IL6R: variants seen among roughly 807,000 people sequenced by gnomAD.
IL6R encodes the protein interleukin-6 receptor subunit alpha.
IL6R carries 38 observed loss-of-function variants against 48.3 expected under a neutral mutation model. The observed-to-expected ratio is 0.79, with a 90% confidence interval of 0.61 to 1.03. IL6R has a LOEUF of 1.03. Ranked by LOEUF, IL6R falls within the 50% of genes least tolerant of loss-of-function variation. The pLI, the probability that IL6R is intolerant of heterozygous loss-of-function variation, is 0.00. For missense variants in IL6R, 534 were observed against 618.3 expected, an observed-to-expected ratio of 0.86 and a Z score of 1.45; for synonymous variants, 264 against 256.2, an observed-to-expected ratio of 1.03 and a Z score of -0.29.
chr1:154,426,385 G>T (rs1688968931), intron 1 of IL6R, among the ~76,000 whole-genome samples: 3 of 151,986 alleles, frequency 2.0e-5, no homozygotes, highest in Non-Finnish European at 2.9e-5. Context: ...GCCGGGCATG[G>T]TGGTGTGTGC....
At chr1:154,434,480 A>G in intron 3 of IL6R, 39 bp from the exon 4 acceptor site, 1 of 1,583,320 alleles carries the variant, frequency 6.3e-7, no homozygotes. Flanking sequence ...TCTGTGCGAA[A>G]CTGACAGGCA....
At chr1:154,406,344 G>A (rs1448162608) in intron 1 of IL6R, 1 of 152,374 alleles carries the variant, frequency 6.6e-6, no homozygotes, top group Non-Finnish European at 1.5e-5. Context: ...GAGTCGGGAG[G>A]CTGGCAAGGG....
rs1228753392 is a variant in IL6R at position 154,466,628 on chromosome 1, A to G, written c.*1248A>G. ...TTCGGGAGGTCGAGGCAGGAGGATC[A>G]CTTGAGTCCAGAAGTTTGAGATCAG... On this transcript the variant is annotated 3_prime_UTR_variant, in exon 10 of 10. Transcript: ENST00000368485. 1.3e-5 allele frequency: 2 copies of G among 152,954 alleles called. No individual in the cohort carries two copies. The highest frequency in any genetic ancestry group is 2.4e-5 in the African/African-American group (1 of 41,476). 9.5% of individuals were successfully genotyped at this position (152,954 alleles called of 1,614,324 possible). A position where few individuals can be genotyped will look rare whatever the true frequency, so the allele number is the denominator to read the frequency against.
At chr1:154,442,027 G>C (rs1214367158) in intron 6 of IL6R, among the ~76,000 whole-genome samples, 3 of 152,324 alleles carry the variant, frequency 2.0e-5, no homozygotes, top group East Asian at 3.9e-4. Flanking sequence ...GGACAGTGCT[G>C]GTTCTTGGGA....
At chr1:154,428,801 G>A (rs896752173) in intron 1 of IL6R, among the ~76,000 whole-genome samples, 2 of 152,184 alleles carry the variant, frequency 1.3e-5, no homozygotes, top group African/African-American at 2.4e-5. Context: ...TAGGAAGAAC[G>A]AGTGTGAGGA....
intron 9 of IL6R, among the ~76,000 whole-genome samples, chr1:154,455,941 C>T (rs768521698): frequency 6.6e-6 from 1 of 151,850 alleles, no homozygotes; most frequent in African/African-American, 2.4e-5. Context: ...ACTGTAATCC[C>T]AGCTACTCGG....
intron 1 of IL6R, among the ~76,000 whole-genome samples, chr1:154,412,102 G>A (rs541198640): frequency 2.0e-5 from 3 of 149,996 alleles, no homozygotes; most frequent in African/African-American, 4.9e-5. Context: ...CATCCGCCAC[G>A]ACGCCTGGCT....
intron 3 of IL6R, among the ~76,000 whole-genome samples, chr1:154,432,812 C>T (rs1326265944): frequency 1.3e-5 from 2 of 152,196 alleles, no homozygotes; most frequent in Admixed American, 6.5e-5. Context: ...GAAGTGGCTT[C>T]GAGAGCCTCA....
chr1:154,455,673 C>A (rs1349087543), intron 9 of IL6R, among the ~76,000 whole-genome samples: 1 of 150,670 alleles, frequency 6.6e-6, no homozygotes, highest in Non-Finnish European at 1.5e-5. Flanking sequence ...AGGATGGTCT[C>A]GATCTCCTGA....
Position 154,429,395 on chromosome 1 carries a change from A to T in IL6R, c.285A>T (p.Ser95=), listed in dbSNP as rs113787847. Residue 95 remains serine, a synonymous_variant, in exon 2 of 10, where the codon TCA becomes TCT. Coordinates refer to ENST00000368485, the MANE Select transcript of IL6R (RefSeq NM_000565.4). ...SVQLHDSGNY[S]CYRAGRPAGT... ...AGCTCCACGACTCTGGAAACTATTC[A>T]TGCTACCGGGCCGGCCGCCCAGCTG... 2 of 1,613,836 alleles carry T rather than the reference A, an allele frequency of 1.2e-6. No homozygotes were observed. The highest frequency in any genetic ancestry group is 1.7e-6 in the Non-Finnish European group (2 of 1,179,858).
chr1:154,417,040 G>A (rs1313856178), intron 1 of IL6R, among the ~76,000 whole-genome samples: 1 of 152,100 alleles, frequency 6.6e-6, no homozygotes, highest in East Asian at 1.9e-4. Flanking sequence ...GGGAAGCTGG[G>A]GGGTCTGTAG....
intron 6 of IL6R, among the ~76,000 whole-genome samples, chr1:154,447,905 G>A (rs1690363725): frequency 6.6e-6 from 1 of 151,994 alleles, no homozygotes; most frequent in Admixed American, 6.6e-5. Flanking sequence ...GTAGAGACAG[G>A]GTTTCTCCAT....
chr1:154,450,384 A>G (rs144786299), intron 8 of IL6R, among the ~76,000 whole-genome samples: 2,503 of 152,252 alleles, frequency 0.016, 66 homozygotes, highest in African/African-American at 0.056. Context: ...TCGGCCTCCC[A>G]AAGTGCTGAC....
chr1:154,416,027 A>AT (rs1375043949), intron 1 of IL6R, among the ~76,000 whole-genome samples: 1 of 152,180 alleles, frequency 6.6e-6, no homozygotes, highest in Non-Finnish European at 1.5e-5. Flanking sequence ...AGACTAAACT[A>AT]TTTTTTATTT....
intron 1 of IL6R, among the ~76,000 whole-genome samples, chr1:154,427,767 G>A (rs1689058975): frequency 6.6e-6 from 1 of 152,198 alleles, no homozygotes; most frequent in Non-Finnish European, 1.5e-5. Context: ...CTGCCTGGGA[G>A]TCACTGATCC....
intron 1 of IL6R, among the ~76,000 whole-genome samples, chr1:154,408,124 C>T (rs1466450247): frequency 6.6e-6 from 1 of 151,974 alleles, no homozygotes; most frequent in African/African-American, 2.4e-5. Context: ...ATTTTTGAAC[C>T]CTAACCCAGA....
chr1:154,430,445 C>T (rs1288259981), intron 2 of IL6R, 38 bp from the exon 3 acceptor site: 4 of 1,608,424 alleles, frequency 2.5e-6, no homozygotes, highest in Non-Finnish European at 3.4e-6. Flanking sequence ...CCCAGGATCC[C>T]CGCCCGCCTG....
chr1:154,440,006 AAT>A, intron 6 of IL6R, among the ~76,000 whole-genome samples: 1 of 151,754 alleles, frequency 6.6e-6, no homozygotes, highest in Non-Finnish European at 1.5e-5. Context: ...GGGTTCAAGC[AAT>A]TCTCCAGCCT....
chr1:154,432,601 G>A (rs931550851), intron 3 of IL6R, among the ~76,000 whole-genome samples: 15 of 152,224 alleles, frequency 9.9e-5, no homozygotes, highest in African/African-American at 2.6e-4. Context: ...AGGGTGATCC[G>A]CCTGTCTCGG....
Sources: gnomAD v4.1 joint callset for allele counts (sites outside exome capture counted in the v4.1 genomes callset) on GRCh38, gnomAD v4.1.1 for gene constraint, MANE v1.5 for transcripts, NCBI Gene and HGNC (gene_info 2026-07-23, HGNC 2026-07-21) for gene names.